Variants in MSRA observed in about 807,000 individuals in gnomAD.
MSRA encodes mitochondrial peptide methionine sulfoxide reductase.
MSRA carries 54 observed loss-of-function variants against 31.3 expected under a neutral mutation model. The observed-to-expected ratio is 1.73, with a 90% CI of 1.39 to 2.17. MSRA has a LOEUF of 2.17. MSRA is among the 30% of genes most tolerant of loss of function. The probability of loss-of-function intolerance (pLI) is 0.00; values close to 1 mark genes in which losing one functional copy is unlikely to be tolerated. For missense variants in MSRA, 507 were observed against 300.9 expected (o/e 1.69, Z -5.07); for synonymous variants, 169 against 116.5 (o/e 1.45, Z -2.90).
At chr8:10,219,362 A>T (rs956396254) in intron 2 of MSRA, among the ~76,000 whole-genome samples, 3 of 152,102 alleles carry the variant, frequency 2.0e-5, no homozygotes, top group Non-Finnish European at 4.4e-5. Context: ...TCACTGCCAA[A>T]TTTTTGGGGA....
intron 1 of MSRA, among the ~76,000 whole-genome samples, chr8:10,098,587 G>A (rs1799327947): frequency 6.6e-6 from 1 of 152,162 alleles, no homozygotes; most frequent in Non-Finnish European, 1.5e-5. Flanking sequence ...ATAGAAAAAG[G>A]CAGTACTATA....
chr8:10,381,315 C>G (rs1806055284), intron 5 of MSRA, among the ~76,000 whole-genome samples: 1 of 152,216 alleles, frequency 6.6e-6, no homozygotes, highest in African/African-American at 2.4e-5. Context: ...CTAACATAAA[C>G]CAGTCCATTC....
chr8:10,241,757 C>G (rs1812434985), intron 2 of MSRA, among the ~76,000 whole-genome samples: 1 of 152,182 alleles, frequency 6.6e-6, no homozygotes, highest in South Asian at 2.1e-4. Context: ...AGCCCCACCT[C>G]TAGTCTTGCC....
chr8:10,403,189 A>C (rs1807572053), intron 5 of MSRA, among the ~76,000 whole-genome samples: 1 of 152,214 alleles, frequency 6.6e-6, no homozygotes, highest in African/African-American at 2.4e-5. Flanking sequence ...GCACCAGAGA[A>C]GCTTCCGGAA....
chr8:10,421,020 C>A (rs1214438475), intron 5 of MSRA, among the ~76,000 whole-genome samples: 1 of 152,102 alleles, frequency 6.6e-6, no homozygotes, highest in Non-Finnish European at 1.5e-5. Flanking sequence ...CCACCAAAAA[C>A]CAAAGAGATG....
intron 1 of MSRA, among the ~76,000 whole-genome samples, chr8:10,069,320 C>T (rs1240332697): frequency 6.6e-6 from 1 of 152,182 alleles, no homozygotes; most frequent in Non-Finnish European, 1.5e-5. Flanking sequence ...TAATAGTGGA[C>T]ATCTTTGCAT....
intron 1 of MSRA, among the ~76,000 whole-genome samples, chr8:10,078,137 C>T (rs1361288804): frequency 6.6e-6 from 1 of 152,200 alleles, no homozygotes; most frequent in Non-Finnish European, 1.5e-5. Context: ...GGTAAGTACA[C>T]AGCAACAGGT....
intron 5 of MSRA, among the ~76,000 whole-genome samples, chr8:10,425,978 G>A (rs1203930485): frequency 6.6e-6 from 1 of 152,208 alleles, no homozygotes; most frequent in Non-Finnish European, 1.5e-5. Flanking sequence ...GCCTGGAGCA[G>A]ATGGCACCCC....
intron 5 of MSRA, among the ~76,000 whole-genome samples, chr8:10,399,730 T>C (rs1807326411): frequency 6.6e-6 from 1 of 151,938 alleles, no homozygotes; most frequent in Non-Finnish European, 1.5e-5. Context: ...GAGGGTGCAA[T>C]GGATGGTGGT....
chr8:10,196,943 T>G (rs531585875), intron 1 of MSRA, among the ~76,000 whole-genome samples: 22 of 152,312 alleles, frequency 1.4e-4, no homozygotes, highest in African/African-American at 5.1e-4. Context: ...TGTTTAACAT[T>G]CATCTTCAAA....
chr8:10,257,587 T>C (rs1798250813), intron 3 of MSRA, among the ~76,000 whole-genome samples: 1 of 152,152 alleles, frequency 6.6e-6, no homozygotes, highest in African/African-American at 2.4e-5. Flanking sequence ...TTTGTATTTT[T>C]AGTAGAGATG....
chr8:10,070,822 T>C (rs1371745810), intron 1 of MSRA, among the ~76,000 whole-genome samples: 1 of 152,264 alleles, frequency 6.6e-6, no homozygotes, highest in African/African-American at 2.4e-5. Context: ...AGTTGGTTAA[T>C]GTACCAGTGC....
chr8:10,122,449 A>T (rs1801193010), intron 1 of MSRA, among the ~76,000 whole-genome samples: 1 of 152,172 alleles, frequency 6.6e-6, no homozygotes, highest in Non-Finnish European at 1.5e-5. Context: ...GATGTAAATG[A>T]TGAATTGTGC....
intron 5 of MSRA, among the ~76,000 whole-genome samples, chr8:10,347,215 C>T (rs894411623): frequency 1.3e-5 from 2 of 152,306 alleles, no homozygotes. Flanking sequence ...GTGTCTGGCT[C>T]CAGTCAGCTT....
At chr8:10,077,026 G>A (rs931582471) in intron 1 of MSRA, among the ~76,000 whole-genome samples, 1 of 137,952 alleles carries the variant, frequency 7.2e-6, no homozygotes, top group East Asian at 2.1e-4. Flanking sequence ...TGCACATCCT[G>A]CACATGTACC....
intron 5 of MSRA, among the ~76,000 whole-genome samples, chr8:10,361,351 T>C (rs1804834095): frequency 6.6e-6 from 1 of 152,226 alleles, no homozygotes; most frequent in Admixed American, 6.5e-5. Context: ...CCGAAGTTTA[T>C]TAAACTCTTC....
intron 3 of MSRA, among the ~76,000 whole-genome samples, chr8:10,290,082 C>G (rs1227840306): frequency 6.6e-6 from 1 of 152,218 alleles, no homozygotes; most frequent in Admixed American, 6.5e-5. Flanking sequence ...TAAGTGGCCT[C>G]TCTAGCAGAT....
At chr8:10,180,605 A>G (rs535289305) in intron 1 of MSRA, among the ~76,000 whole-genome samples, 11 of 152,302 alleles carry the variant, frequency 7.2e-5, no homozygotes, top group African/African-American at 2.2e-4. Flanking sequence ...GGGGTTTGCT[A>G]TGACTAACAA....
intron 1 of MSRA, among the ~76,000 whole-genome samples, chr8:10,135,205 C>A (rs184765600): frequency 3.3e-5 from 5 of 152,204 alleles, no homozygotes; most frequent in African/African-American, 1.2e-4. Context: ...GCAATACCTG[C>A]CGTGGTTCCC....
Sources: allele counts gnomAD v4.1 joint callset (sites outside exome capture counted in the v4.1 genomes callset), GRCh38; gene constraint gnomAD v4.1.1; transcripts MANE v1.5; gene names NCBI Gene and HGNC (gene_info 2026-07-23, HGNC 2026-07-21).